ZSCAN25: variants seen among roughly 807,000 people sequenced by gnomAD.
The protein encoded by ZSCAN25 is zinc finger and SCAN domain containing 25.
In ZSCAN25, 27 loss-of-function variants were observed where a neutral mutation model predicts 38.7. The ratio of observed to expected loss-of-function variants is 0.70; its 90% CI spans 0.51 to 0.96. ZSCAN25 has a LOEUF of 0.96. Among genes scored for constraint, ZSCAN25 ranks in the 40% least tolerant of loss-of-function variants. The pLI, the probability that ZSCAN25 is intolerant of heterozygous loss-of-function variation, is 0.00. For synonymous variants in ZSCAN25, 273 were observed against 277.7 expected (o/e 0.98, Z 0.17); for missense variants, 637 against 705.9 (o/e 0.90, Z 1.11).
the ZSCAN25 span, among the ~76,000 whole-genome samples, chr7:99,670,353 C>G: frequency 6.6e-6 from 1 of 152,154 alleles, no homozygotes; most frequent in Non-Finnish European, 1.5e-5. Context: ...CCATATGAAA[C>G]TGAAATTATG....
chr7:99,650,717 CTCTCTACCT>C, the ZSCAN25 span, among the ~76,000 whole-genome samples: 1 of 152,032 alleles, frequency 6.6e-6, no homozygotes, highest in East Asian at 1.9e-4. Context: ...CCTCCTCCTC[CTCTCTACCT>C]TCCCCGTCCA....
Position 99,619,890 on chromosome 7 carries a change from C to A in ZSCAN25, c.284C>A (p.Pro95His). ...LVLEQFLTIL[P>H]REFYAWIREH... ...CTGGAGCAGTTCCTCACTATCCTGC[C>A]CCGCGAGTTCTACGCCTGGATCCGG... The change falls in exon 4 of 8, where the codon CCC (proline) becomes CAC (histidine). Residue 95 changes from proline (P) to histidine (H), a missense_variant. Coordinates refer to ENST00000394152, the MANE Select transcript of ZSCAN25 (RefSeq NM_145115.3). The A allele has an allele frequency of 6.2e-7, 1 of 1,614,236 alleles. No homozygotes were observed. Among genetic ancestry groups the A allele is most frequent in the Non-Finnish European group, 8.5e-7 (1 of 1,180,060 alleles).
the ZSCAN25 span, chr7:99,709,228 C>G: frequency 6.2e-7 from 1 of 1,613,900 alleles, no homozygotes; most frequent in Non-Finnish European, 8.5e-7. Context: ...TCAAGATACT[C>G]CAACTGTAGC....
the ZSCAN25 span, chr7:99,717,732 C>T: frequency 6.8e-7 from 1 of 1,471,270 alleles, no homozygotes; most frequent in Non-Finnish European, 9.3e-7. Context: ...ATGTATTTAA[C>T]AAATATTTAG....
chr7:99,732,273 C>T, the ZSCAN25 span, among the ~76,000 whole-genome samples: 1 of 152,164 alleles, frequency 6.6e-6, no homozygotes, highest in African/African-American at 2.4e-5. Flanking sequence ...TCACCTTCTG[C>T]CATGATTGTA....
the ZSCAN25 span, among the ~76,000 whole-genome samples, chr7:99,709,920 A>C: frequency 7.4e-4 from 113 of 152,310 alleles, 1 homozygote; most frequent in East Asian, 0.011. Context: ...TCTATCCCAA[A>C]TATGACAAAA....
At chr7:99,725,234 G>C in the ZSCAN25 span, among the ~76,000 whole-genome samples, 1 of 152,182 alleles carries the variant, frequency 6.6e-6, no homozygotes, top group Non-Finnish European at 1.5e-5. Flanking sequence ...CCTGGACCCA[G>C]AGGGGCCAGA....
chr7:99,692,924 G>A, the ZSCAN25 span, among the ~76,000 whole-genome samples: 1 of 152,214 alleles, frequency 6.6e-6, no homozygotes, highest in East Asian at 1.9e-4. Flanking sequence ...TCTCTGTCCA[G>A]TTTTGTTCCC....
At chr7:99,693,673 A>G in the ZSCAN25 span, among the ~76,000 whole-genome samples, 3 of 152,218 alleles carry the variant, frequency 2.0e-5, no homozygotes, top group East Asian at 3.8e-4. Flanking sequence ...AGACTGCTGC[A>G]CTAGCAGTGA....
At chr7:99,622,357 G>C (rs1383989948) in intron 5 of ZSCAN25, 192 bp from the exon 6 acceptor site, 4 of 629,046 alleles carry the variant, frequency 6.4e-6, no homozygotes, top group South Asian at 1.8e-5. Context: ...CCAGGCCCCA[G>C]CTGAGAATAG....
the ZSCAN25 span, among the ~76,000 whole-genome samples, chr7:99,640,725 T>C: frequency 6.6e-6 from 1 of 152,084 alleles, no homozygotes; most frequent in African/African-American, 2.4e-5. Context: ...TCCAACGCAT[T>C]CCCAGGATCA....
At chr7:99,660,139 T>A in the ZSCAN25 span, 27 of 797,914 alleles carry the variant, frequency 3.4e-5, no homozygotes, top group Non-Finnish European at 4.1e-5. Context: ...GCAGAAATCA[T>A]TCGTCTTCTG....
At chr7:99,688,596 A>G in the ZSCAN25 span, among the ~76,000 whole-genome samples, 6 of 152,188 alleles carry the variant, frequency 3.9e-5, no homozygotes, top group Non-Finnish European at 8.8e-5. Context: ...CCCCATTGTC[A>G]ACATTAGACA....
chr7:99,652,983 G>A, the ZSCAN25 span, among the ~76,000 whole-genome samples: 1 of 152,176 alleles, frequency 6.6e-6, no homozygotes, highest in Non-Finnish European at 1.5e-5. Context: ...AGTTATGAAT[G>A]TAGGAGATAT....
At chr7:99,624,797 C>CGA (rs1807327762) in intron 7 of ZSCAN25, among the ~76,000 whole-genome samples, 1 of 152,052 alleles carries the variant, frequency 6.6e-6, no homozygotes, top group Non-Finnish European at 1.5e-5. Context: ...GGAGGAGCAG[C>CGA]GAGAGAGAGC....
At chr7:99,691,601 A>G in the ZSCAN25 span, among the ~76,000 whole-genome samples, 1 of 152,166 alleles carries the variant, frequency 6.6e-6, no homozygotes, top group African/African-American at 2.4e-5. Flanking sequence ...ATATATATTT[A>G]GGATAGTTAG....
At chr7:99,677,762 T>G in the ZSCAN25 span, among the ~76,000 whole-genome samples, 2 of 152,196 alleles carry the variant, frequency 1.3e-5, no homozygotes, top group Non-Finnish European at 2.9e-5. Flanking sequence ...TATTCCCACT[T>G]CAGTTCCCTC....
At chr7:99,699,897 G>A in the ZSCAN25 span, 16 of 1,016,060 alleles carry the variant, frequency 1.6e-5, no homozygotes, top group Admixed American at 6.8e-5. Context: ...ACAGATGAGG[G>A]AACAGGGGCC....
chr7:99,735,512 T>G, the ZSCAN25 span, among the ~76,000 whole-genome samples: 5 of 152,178 alleles, frequency 3.3e-5, no homozygotes, highest in African/African-American at 1.2e-4. Flanking sequence ...TCCAGAATAC[T>G]TGAAACTCAT....
Sources: gnomAD v4.1 joint callset for allele counts (sites outside exome capture counted in the v4.1 genomes callset) on GRCh38, gnomAD v4.1.1 for gene constraint, MANE v1.5 for transcripts, NCBI Gene and HGNC (gene_info 2026-07-23, HGNC 2026-07-21) for gene names.